DIAPH3: variants seen among roughly 807,000 people sequenced by gnomAD.
DIAPH3 encodes the protein protein diaphanous homolog 3.
In DIAPH3, 117 loss-of-function variants were observed where a neutral mutation model predicts 144.3. That is an observed-to-expected ratio of 0.81 (90% CI 0.70 to 0.95). DIAPH3 has a LOEUF of 0.95. DIAPH3 is among the 40% of genes least tolerant of loss of function. DIAPH3 has a pLI of 0.00. For synonymous variants in DIAPH3, 519 were observed against 488.9 expected, an observed-to-expected ratio of 1.06 and a Z score of -0.81; for missense variants, 1,421 against 1,412.7, an observed-to-expected ratio of 1.01 and a Z score of -0.09.
intron 3 of DIAPH3, among the ~76,000 whole-genome samples, chr13:60,098,643 G>A (rs1264564260): frequency 1.3e-5 from 2 of 151,414 alleles, no homozygotes; most frequent in South Asian, 2.1e-4. Context: ...ACATATAGCT[G>A]ACCTTAAAAA....
intron 27 of DIAPH3, among the ~76,000 whole-genome samples, chr13:59,713,541 G>A (rs930904348): frequency 5.3e-5 from 8 of 152,292 alleles, no homozygotes; most frequent in African/African-American, 1.9e-4. Flanking sequence ...AACAATTTAA[G>A]CAGTGGAATG....
At chr13:59,974,017 A>C (rs1416706559) in intron 15 of DIAPH3, among the ~76,000 whole-genome samples, 2 of 152,128 alleles carry the variant, frequency 1.3e-5, no homozygotes, top group African/African-American at 4.8e-5. Context: ...TAGCTTGAGC[A>C]ATAATTTCTT....
intron 27 of DIAPH3, among the ~76,000 whole-genome samples, chr13:59,772,007 T>C (rs968839003): frequency 3.9e-5 from 6 of 152,024 alleles, no homozygotes; most frequent in Non-Finnish European, 8.8e-5. Context: ...AATAACAATA[T>C]ATACTTGTAG....
rs1250127783 is a variant in DIAPH3, at chr13:59,967,745, TA to T, written c.2074+2198del. 9.2e-5 allele frequency among the ~76,000 whole-genome samples: 14 copies of T among 152,280 alleles called. No individual in the cohort carries two copies. The East Asian group carries it at 2.1e-3, about 23-fold the overall frequency. ...AAAAGCACTCTTAGGACTCCTCAAA[TA>T]ATGCTTTCTAGGAATTATTCTTTAA... On this transcript the variant is annotated intron_variant, in intron 17 of 27. Transcript: ENST00000400324.
At chr13:60,050,812 A>ATACAT (rs36084522) in intron 4 of DIAPH3, among the ~76,000 whole-genome samples, 1 of 151,808 alleles carries the variant, frequency 6.6e-6, no homozygotes, top group Non-Finnish European at 1.5e-5. Context: ...GGCAACAGAC[A>ATACAT]GAAACAACGT....
intron 4 of DIAPH3, among the ~76,000 whole-genome samples, chr13:60,086,051 G>A (rs2057736404): frequency 6.6e-6 from 1 of 151,992 alleles, no homozygotes; most frequent in African/African-American, 2.4e-5. Flanking sequence ...TTCCATATCT[G>A]ATGAAGCCTT....
At chr13:59,855,421 A>G (rs2043201499) in intron 22 of DIAPH3, among the ~76,000 whole-genome samples, 1 of 151,982 alleles carries the variant, frequency 6.6e-6, no homozygotes, top group South Asian at 2.1e-4. Flanking sequence ...ACATATATAA[A>G]TTATATTTTA....
intron 27 of DIAPH3, chr13:59,695,381 T>TTC (rs1351102335): frequency 6.6e-6 from 1 of 152,200 alleles, no homozygotes; most frequent in African/African-American, 2.4e-5. Context: ...TAAATCTATA[T>TTC]TCTCTCTCTC....
intron 18 of DIAPH3, among the ~76,000 whole-genome samples, chr13:59,917,017 T>C (rs2047254649): frequency 6.6e-6 from 1 of 152,196 alleles, no homozygotes; most frequent in South Asian, 2.1e-4. Context: ...TCAACCCTTA[T>C]TGTACTATTA....
intron 17 of DIAPH3, among the ~76,000 whole-genome samples, chr13:59,946,458 GAAGT>G (rs1234683371): frequency 3.3e-5 from 5 of 152,114 alleles, no homozygotes; most frequent in Non-Finnish European, 5.9e-5. Flanking sequence ...CAAAAAAAGA[GAAGT>G]ATTTGAAGTT....
At chr13:59,901,803 C>A (rs2046449690) in intron 20 of DIAPH3, among the ~76,000 whole-genome samples, 1 of 152,224 alleles carries the variant, frequency 6.6e-6, no homozygotes, top group East Asian at 1.9e-4. Flanking sequence ...CCAACAAAAT[C>A]CAAGTCCCTG....
At chr13:60,085,429 T>C (rs2057715232) in intron 4 of DIAPH3, among the ~76,000 whole-genome samples, 1 of 152,164 alleles carries the variant, frequency 6.6e-6, no homozygotes, top group Non-Finnish European at 1.5e-5. Context: ...ATAAGGCTCA[T>C]CTTCTGCAGC....
At chr13:59,925,813 A>G (rs2140307512) in intron 17 of DIAPH3, among the ~76,000 whole-genome samples, 1 of 152,218 alleles carries the variant, frequency 6.6e-6, no homozygotes, top group South Asian at 2.1e-4. Context: ...TGTGTTGGCA[A>G]ACATTTGTTC....
intron 24 of DIAPH3, among the ~76,000 whole-genome samples, chr13:59,822,785 T>C (rs1179627518): frequency 1.3e-5 from 2 of 152,108 alleles, no homozygotes; most frequent in African/African-American, 4.8e-5. Flanking sequence ...AAAATAGCCT[T>C]AAGTTAACAT....
At chr13:59,967,192 G>C (rs571885421) in intron 17 of DIAPH3, among the ~76,000 whole-genome samples, 1 of 151,952 alleles carries the variant, frequency 6.6e-6, no homozygotes, top group Non-Finnish European at 1.5e-5. Flanking sequence ...TCAGCCTCCG[G>C]AGTAGCTGGG....
intron 27 of DIAPH3, among the ~76,000 whole-genome samples, chr13:59,710,592 C>T (rs2034681783): frequency 6.6e-6 from 1 of 152,168 alleles, no homozygotes; most frequent in Non-Finnish European, 1.5e-5. Context: ...GACTGGGTTG[C>T]CAGTTGTGTG....
chr13:59,870,846 T>A (rs2044223553), intron 21 of DIAPH3, among the ~76,000 whole-genome samples: 1 of 151,454 alleles, frequency 6.6e-6, no homozygotes, highest in South Asian at 2.1e-4. Context: ...AATTTTGTAT[T>A]TTTAGTAGAG....
chr13:60,134,346 T>C (rs2059215407), intron 1 of DIAPH3, among the ~76,000 whole-genome samples: 1 of 152,248 alleles, frequency 6.6e-6, no homozygotes, highest in Admixed American at 6.5e-5. Flanking sequence ...ATCAATACTA[T>C]CTTCAGCCTT....
intron 1 of DIAPH3, chr13:60,153,453 A>T (rs935106983): frequency 2.0e-5 from 3 of 152,150 alleles, no homozygotes; most frequent in Non-Finnish European, 4.4e-5. Flanking sequence ...TGAAAAAGAT[A>T]ATGGTGTCCG....
Sources: gnomAD v4.1 joint callset for allele counts (sites outside exome capture counted in the v4.1 genomes callset) on GRCh38, gnomAD v4.1.1 for gene constraint, MANE v1.5 for transcripts, NCBI Gene and HGNC (gene_info 2026-07-23, HGNC 2026-07-21) for gene names.